Variants in GLYR1 observed in about 807,000 individuals in gnomAD.
The protein encoded by GLYR1 is cytokine-like nuclear factor N-PAC.
In GLYR1, 21 loss-of-function variants were observed where a neutral mutation model predicts 72.7. That is an observed-to-expected ratio of 0.29 (90% CI 0.20 to 0.42). The LOEUF (loss-of-function observed/expected upper bound fraction) is 0.42, where lower values mean the gene tolerates loss of function less well. Among genes scored for constraint, GLYR1 ranks in the 10% least tolerant of loss-of-function variants. GLYR1 has a pLI of 1.00. For synonymous variants in GLYR1, 392 were observed against 270.2 expected (o/e 1.45, Z -4.42); for missense variants, 594 against 712.1 (o/e 0.83, Z 1.89).
At chr16:4,836,150 G>A (rs2085115168) in intron 3 of GLYR1, among the ~76,000 whole-genome samples, 1 of 152,082 alleles carries the variant, frequency 6.6e-6, no homozygotes. Flanking sequence ...CCTCAACAAT[G>A]CACCACTGTC....
At position 4,832,924 on chromosome 16, in the gene GLYR1, C is replaced by CA; in HGVS notation, c.156-13dup. 6.2e-7 allele frequency: 1 copy of CA among 1,603,968 alleles called. No homozygotes were observed. The highest frequency in any genetic ancestry group is 2.2e-5 in the East Asian group (1 of 44,716). ...CTTTGATCCAGGCACTAGCAGAAAACAAACACAAAAAGGGTGTGAACCATA... is the reference window on the plus strand; with the variant it reads ...CTTTGATCCAGGCACTAGCAGAAAACAAAACACAAAAAGGGTGTGAACCATA... On this transcript the variant is annotated splice_polypyrimidine_tract_variant and intron_variant, in intron 3 of 15. Transcript: ENST00000321919.
intron 15 of GLYR1, among the ~76,000 whole-genome samples, chr16:4,810,294 G>A (rs931357344): frequency 6.9e-6 from 1 of 145,942 alleles, no homozygotes; most frequent in Non-Finnish European, 1.5e-5. Flanking sequence ...GTCAGGAGTT[G>A]GAGAACAGCC....
At chr16:4,834,981 C>G (rs138830178) in intron 3 of GLYR1, among the ~76,000 whole-genome samples, 2 of 152,070 alleles carry the variant, frequency 1.3e-5, no homozygotes, top group African/African-American at 4.8e-5. Flanking sequence ...AGTGAAGCTA[C>G]CATACTAACC....
chr16:4,812,270 T>G, intron 12 of GLYR1, 22 bp from the exon 13 acceptor site: 1 of 1,605,274 alleles, frequency 6.2e-7, no homozygotes, highest in Non-Finnish European at 8.5e-7. Context: ...AGTCACAGCT[T>G]CTGGAGGCCT....
chr16:4,838,106 G>C (rs1211849267), intron 3 of GLYR1, among the ~76,000 whole-genome samples: 1 of 151,968 alleles, frequency 6.6e-6, no homozygotes, highest in Admixed American at 6.6e-5. Context: ...CCATCCAAAG[G>C]GGCTGAAGAT....
chr16:4,821,723 G>T, intron 7 of GLYR1, 126 bp from the exon 8 acceptor site: 1 of 835,800 alleles, frequency 1.2e-6, no homozygotes, highest in South Asian at 1.4e-5. Flanking sequence ...ATACTTTAGT[G>T]AACTCCAAAT....
At chr16:4,829,689 T>G (rs969354723) in intron 5 of GLYR1, among the ~76,000 whole-genome samples, 2 of 151,794 alleles carry the variant, frequency 1.3e-5, no homozygotes, top group Non-Finnish European at 2.9e-5. Flanking sequence ...TTTTTTTTCT[T>G]TGAGACGGAG....
intron 5 of GLYR1, among the ~76,000 whole-genome samples, chr16:4,826,256 A>G (rs1308887590): frequency 1.3e-5 from 2 of 152,030 alleles, no homozygotes; most frequent in African/African-American, 4.8e-5. Context: ...TTTATTTGCA[A>G]TTATTTGTTT....
Position 4,805,201 on chromosome 16 carries a change from G to C in GLYR1, c.*35C>G, listed in dbSNP as rs750101135. ...CATGTGAGGAAGAGGGGGTCAGAGG[G>C]GGGATTGGAGGGGTGAGGGCGGGGT... is the stretch of plus-strand genomic sequence containing the variant. On this transcript the variant is annotated 3_prime_UTR_variant, in exon 16 of 16. Transcript: ENST00000321919. 1 of 1,587,204 alleles carries C rather than the reference G, an allele frequency of 6.3e-7. No individual in the cohort carries two copies. The highest frequency in any genetic ancestry group is 8.6e-7 in the Non-Finnish European group (1 of 1,156,574).
At chr16:4,823,742 CAAAAAAA>C in intron 6 of GLYR1, 72 bp downstream of exon 6, 5 of 774,192 alleles carry the variant, frequency 6.5e-6, no homozygotes, top group East Asian at 2.8e-5. Context: ...AAGAAAGGGA[CAAAAAAA>C]AAAAAAAAAA....
intron 5 of GLYR1, among the ~76,000 whole-genome samples, chr16:4,824,415 G>A (rs2084244527): frequency 6.7e-6 from 1 of 149,218 alleles, no homozygotes; most frequent in Non-Finnish European, 1.5e-5. Context: ...CAGAAGAATC[G>A]CTTGAACCGG....
chr16:4,814,880 A>T (rs1211942939), intron 10 of GLYR1, among the ~76,000 whole-genome samples: 2 of 152,108 alleles, frequency 1.3e-5, no homozygotes, highest in Non-Finnish European at 2.9e-5. Context: ...CTGCTTCACA[A>T]GTGTCTGCTG....
chr16:4,810,764 C>T (rs1441535450), intron 15 of GLYR1, among the ~76,000 whole-genome samples: 2 of 133,802 alleles, frequency 1.5e-5, no homozygotes, highest in Admixed American at 8.0e-5. Context: ...GAGCCTGAGG[C>T]GACAGAGCAA....
At position 4,812,301 on chromosome 16, in the gene GLYR1, GGGCAGGACT is replaced by G; in HGVS notation, c.1120-62_1120-54del. ...GGCCTCCCCTCTCCCAGCGCTCTCTGGGCAGGACTCAAGGAGTGTTGCTGAGTGGCCACG... is the reference window on the plus strand; with the variant it reads ...GGCCTCCCCTCTCCCAGCGCTCTCTGCAAGGAGTGTTGCTGAGTGGCCACG... On this transcript the variant is annotated intron_variant, in intron 12 of 15. Coordinates refer to ENST00000321919, the MANE Select transcript of GLYR1 (RefSeq NM_032569.4). 4.5e-6 allele frequency: 7 copies of G among 1,571,358 alleles called. No individual in the cohort carries two copies. The African/African-American group carries it at 9.5e-5, about 21-fold the overall frequency.
At chr16:4,822,234 G>A (rs1009841404) in intron 7 of GLYR1, among the ~76,000 whole-genome samples, 1 of 152,172 alleles carries the variant, frequency 6.6e-6, no homozygotes, top group African/African-American at 2.4e-5. Flanking sequence ...TTACAGGAAT[G>A]CACCACCATG....
intron 2 of GLYR1, among the ~76,000 whole-genome samples, chr16:4,845,596 G>A (rs1346468837): frequency 6.6e-6 from 1 of 151,958 alleles, no homozygotes. Context: ...AGGACATAGT[G>A]AAAACAAAGG....
intron 10 of GLYR1, among the ~76,000 whole-genome samples, chr16:4,816,658 G>A (rs2083659100): frequency 6.6e-6 from 1 of 152,020 alleles, no homozygotes; most frequent in Admixed American, 6.6e-5. Flanking sequence ...AAAGATCTAT[G>A]TTAGTATTTA....
chr16:4,832,420 A>C, intron 4 of GLYR1, 199 bp from the exon 5 acceptor site: 1 of 653,400 alleles, frequency 1.5e-6, no homozygotes, highest in Non-Finnish European at 2.5e-6. Context: ...CACTTTCCCT[A>C]TGTCCCAAAA....
intron 4 of GLYR1, 127 bp downstream of exon 4, chr16:4,832,647 G>T: frequency 1.8e-6 from 2 of 1,131,656 alleles, no homozygotes; most frequent in South Asian, 1.7e-5. Flanking sequence ...CCTTAGAACT[G>T]AAGTAGCTTT....
Sources: allele counts gnomAD v4.1 joint callset (sites outside exome capture counted in the v4.1 genomes callset), GRCh38; gene constraint gnomAD v4.1.1; transcripts MANE v1.5; gene names NCBI Gene and HGNC (gene_info 2026-07-23, HGNC 2026-07-21).